The following CCSER1 variants were observed in gnomAD, a reference collection of about 807,000 sequenced individuals.
CCSER1 encodes serine-rich coiled-coil domain-containing protein 1.
A neutral mutation model predicts 82.0 loss-of-function variants in CCSER1; 41 were observed. The ratio of observed to expected loss-of-function variants is 0.50; its 90% confidence interval spans 0.39 to 0.65. The LOEUF (loss-of-function observed/expected upper bound fraction) is 0.65. Ranked by LOEUF, CCSER1 falls within the 30% of genes least tolerant of loss-of-function variation. The pLI, the probability that CCSER1 is intolerant of heterozygous loss-of-function variation, is 0.00. For missense variants in CCSER1, 1,119 were observed against 1,064.2 expected (o/e 1.05, Z -0.72); for synonymous variants, 414 against 383.9 (o/e 1.08, Z -0.92).
intron 1 of CCSER1, among the ~76,000 whole-genome samples, chr4:90,164,458 G>A (rs1010653553): frequency 2.0e-5 from 3 of 152,044 alleles, no homozygotes; most frequent in African/African-American, 4.8e-5. Flanking sequence ...CTGTACTTGT[G>A]TTGCTGGGCT....
intron 1 of CCSER1, among the ~76,000 whole-genome samples, chr4:90,273,964 A>T (rs1727068777): frequency 6.6e-6 from 1 of 152,236 alleles, no homozygotes; most frequent in Non-Finnish European, 1.5e-5. Flanking sequence ...TGCATATTTG[A>T]GTAATGCAAA....
chr4:90,280,403 T>A (rs2153460073), intron 1 of CCSER1, among the ~76,000 whole-genome samples: 1 of 151,772 alleles, frequency 6.6e-6, no homozygotes. Context: ...CCTGTTTTTT[T>A]CTTCTTCTTC....
At chr4:91,120,040 A>G (rs1726949571) in intron 10 of CCSER1, among the ~76,000 whole-genome samples, 1 of 152,036 alleles carries the variant, frequency 6.6e-6, no homozygotes, top group Non-Finnish European at 1.5e-5. Flanking sequence ...GATGACTAAA[A>G]TAGTTTGATT....
intron 5 of CCSER1, among the ~76,000 whole-genome samples, chr4:90,497,801 A>C (rs563025702): frequency 3.3e-5 from 5 of 152,306 alleles, no homozygotes; most frequent in Admixed American, 6.5e-5. Context: ...GATTAAGCTA[A>C]AGAGATGTAA....
intron 3 of CCSER1, among the ~76,000 whole-genome samples, chr4:90,377,411 T>C (rs6851151): frequency 0.37 from 55,478 of 151,944 alleles, 10,654 homozygotes; most frequent in African/African-American, 0.47. Context: ...CTATCATCAA[T>C]ACTGTATAAC....
chr4:90,256,962 A>G (rs552770488), intron 1 of CCSER1, among the ~76,000 whole-genome samples: 1 of 152,156 alleles, frequency 6.6e-6, no homozygotes, highest in East Asian at 1.9e-4. Flanking sequence ...TTTACCATAT[A>G]TATGTATGTA....
intron 10 of CCSER1, among the ~76,000 whole-genome samples, chr4:91,095,718 A>G (rs1317540015): frequency 6.6e-6 from 1 of 152,104 alleles, no homozygotes; most frequent in Non-Finnish European, 1.5e-5. Flanking sequence ...TCCTTGGATG[A>G]CTTCAGAAAC....
rs539174209 is a variant in CCSER1 at position 90,688,076 on chromosome 4, G to A, written c.1933-35838G>A. ...TGTTAATGTGCATTTTTCTGAGATG[G>A]TGTTATAAGTCCAAGTATCAAAAAG... On this transcript the variant is annotated intron_variant, in intron 6 of 10. Transcript: ENST00000509176. Among the ~76,000 whole-genome samples, 27 of 152,174 alleles carry A rather than the reference G, an allele frequency of 1.8e-4. 1 individual carries two copies. The South Asian group carries it at 5.4e-3, about 30-fold the overall frequency.
At chr4:91,063,583 C>A (rs1171036608) in intron 9 of CCSER1, among the ~76,000 whole-genome samples, 1 of 152,062 alleles carries the variant, frequency 6.6e-6, no homozygotes, top group Admixed American at 6.6e-5. Flanking sequence ...TATCTTGACT[C>A]ATTTTCTTAT....
At chr4:91,114,612 C>T (rs1454026697) in intron 10 of CCSER1, among the ~76,000 whole-genome samples, 1 of 152,156 alleles carries the variant, frequency 6.6e-6, no homozygotes, top group African/African-American at 2.4e-5. Flanking sequence ...TTTGAATGGA[C>T]CTCATCCTGC....
chr4:90,918,432 T>G (rs1727844979), intron 8 of CCSER1: 2 of 358,490 alleles, frequency 5.6e-6, no homozygotes, highest in African/African-American at 4.3e-5. Flanking sequence ...GTAAAAGACA[T>G]TAGATATCCC....
At chr4:90,660,291 GTCGATGGAC>G (rs1730529164) in intron 6 of CCSER1, among the ~76,000 whole-genome samples, 1 of 151,884 alleles carries the variant, frequency 6.6e-6, no homozygotes, top group African/African-American at 2.4e-5. Context: ...AGTGTCCATC[GTCGATGGAC>G]AAATGTGTAA....
intron 10 of CCSER1, among the ~76,000 whole-genome samples, chr4:91,281,516 G>C (rs1742906781): frequency 6.6e-6 from 1 of 152,176 alleles, no homozygotes. Flanking sequence ...CTGTAGGGGA[G>C]AACTGTGATC....
chr4:90,685,794 T>A (rs1240307800), intron 6 of CCSER1, among the ~76,000 whole-genome samples: 3 of 152,176 alleles, frequency 2.0e-5, no homozygotes, highest in Non-Finnish European at 4.4e-5. Context: ...TATAGCACAT[T>A]TTCTATTTTG....
intron 1 of CCSER1, among the ~76,000 whole-genome samples, chr4:90,157,560 G>T (rs1160150803): frequency 1.3e-5 from 2 of 152,114 alleles, no homozygotes; most frequent in African/African-American, 4.8e-5. Flanking sequence ...TTTCTTGGAG[G>T]CTTTGTTCGT....
chr4:91,179,349 A>G (rs546322972), intron 10 of CCSER1, among the ~76,000 whole-genome samples: 2 of 152,192 alleles, frequency 1.3e-5, no homozygotes, highest in Admixed American at 6.5e-5. Context: ...ATGTTGGCCT[A>G]CCTTGCTAGG....
intron 6 of CCSER1, among the ~76,000 whole-genome samples, chr4:90,651,626 G>A (rs920177464): frequency 3.3e-5 from 5 of 151,796 alleles, no homozygotes; most frequent in African/African-American, 7.3e-5. Context: ...ACCATGGCAC[G>A]TGTATACCTA....
At chr4:91,026,149 A>T (rs1740470051) in intron 9 of CCSER1, among the ~76,000 whole-genome samples, 4 of 152,124 alleles carry the variant, frequency 2.6e-5, no homozygotes, top group Admixed American at 2.6e-4. Context: ...ATTTCTTGGA[A>T]TATCATTTGC....
intron 4 of CCSER1, among the ~76,000 whole-genome samples, chr4:90,443,319 G>A (rs1760172505): frequency 1.3e-5 from 2 of 152,012 alleles, no homozygotes; most frequent in South Asian, 4.1e-4. Flanking sequence ...CCATTATTAA[G>A]TAAAATAAGG....
Sources: gnomAD v4.1 joint callset for allele counts (sites outside exome capture counted in the v4.1 genomes callset) on GRCh38, gnomAD v4.1.1 for gene constraint, MANE v1.5 for transcripts, NCBI Gene and HGNC (gene_info 2026-07-23, HGNC 2026-07-21) for gene names.